SOHLH2: variants seen among roughly 807,000 people sequenced by gnomAD.
The protein encoded by SOHLH2 is spermatogenesis- and oogenesis-specific basic helix-loop-helix-containing protein 2.
SOHLH2 carries 22 observed loss-of-function variants against 50.4 expected under a neutral mutation model. The ratio of observed to expected loss-of-function variants is 0.44; its 90% confidence interval spans 0.31 to 0.62. The LOEUF is 0.62. SOHLH2 is among the 20% of genes least tolerant of loss of function. The pLI is 0.08. For missense variants in SOHLH2, 412 were observed against 504.4 expected (o/e 0.82, Z 1.76); for synonymous variants, 185 against 187.3 (o/e 0.99, Z 0.10).
intron 9 of SOHLH2, among the ~76,000 whole-genome samples, chr13:36,171,865 AAAGTT>A (rs1465630724): frequency 6.6e-6 from 1 of 152,236 alleles, no homozygotes; most frequent in African/African-American, 2.4e-5. Flanking sequence ...TGTATGACAC[AAAGTT>A]AAGTAAAAAA....
At chr13:36,192,660 G>A (rs1319622392) in intron 4 of SOHLH2, among the ~76,000 whole-genome samples, 5 of 152,020 alleles carry the variant, frequency 3.3e-5, no homozygotes, top group Non-Finnish European at 2.9e-5. Flanking sequence ...TTGACAATTC[G>A]AAATTGTACA....
At position 36,170,605 on chromosome 13, in the gene SOHLH2, G is replaced by C. The variant is rs1886936566; in HGVS notation, c.1183C>G (p.Pro395Ala). 6.2e-7 allele frequency: 1 copy of C among 1,614,042 alleles called. No individual in the cohort carries two copies. The highest frequency in any genetic ancestry group is 1.7e-5 in the Admixed American group (1 of 60,004). Residue 395 changes from proline (P) to alanine (A), a missense_variant, in exon 10 of 11, where the codon CCG (proline) becomes GCG (alanine). Transcript: ENST00000379881. The stretch of plus-strand genomic sequence containing the variant: ...TGCCGAGGGAGAAGCTTTGAGACCG[G>C]GGGCATGGCTGAAGGTAAATGAATT... ...ISIHLPSAMP[P>A]VSKLLPRHCT... is the part of the protein sequence containing the mutation.
In SOHLH2 at chr13:36,168,774, CCA is replaced by C. The variant is rs1886886467; in HGVS notation, c.*258_*259del. ...GAAAAGAGAGTGTAGGTCACTGAGG[CCA>C]TTTGTTCTTGTAGCTCTCTGGCTGG... is the stretch of plus-strand genomic sequence containing the variant. On this transcript the variant is annotated 3_prime_UTR_variant, in exon 11 of 11. Coordinates refer to ENST00000379881, the MANE Select transcript of SOHLH2 (RefSeq NM_017826.3). 5 of 456,420 alleles carry C rather than the reference CCA, an allele frequency of 1.1e-5. No homozygotes were observed. In the Admixed American group the frequency reaches 1.6e-4, roughly 15 times the overall value. 28.3% of individuals were successfully genotyped at this position (456,420 alleles called of 1,614,324 possible).
intron 2 of SOHLH2, among the ~76,000 whole-genome samples, chr13:36,194,541 T>C (rs990104791): frequency 6.6e-6 from 1 of 152,190 alleles, no homozygotes; most frequent in East Asian, 1.9e-4. Flanking sequence ...CAGATGTGGG[T>C]AACCGCTGAG....
chr13:36,186,016 T>C (rs1286662508), intron 6 of SOHLH2, among the ~76,000 whole-genome samples: 1 of 152,140 alleles, frequency 6.6e-6, no homozygotes, highest in African/African-American at 2.4e-5. Context: ...ATAAAGACAT[T>C]GTAAGAAAAC....
chr13:36,185,538 A>T (rs963751754), intron 6 of SOHLH2, among the ~76,000 whole-genome samples: 1 of 152,134 alleles, frequency 6.6e-6, no homozygotes, highest in African/African-American at 2.4e-5. Flanking sequence ...AATCAATGAA[A>T]TAAAAAAATG....
At chr13:36,213,664 T>C (rs1869254427) in intron 1 of SOHLH2, among the ~76,000 whole-genome samples, 1 of 151,882 alleles carries the variant, frequency 6.6e-6, no homozygotes, top group Admixed American at 6.6e-5. Context: ...GGCTGAAAAA[T>C]AAGGTGCTTT....
At chr13:36,187,802 C>T (rs1887462489) in intron 6 of SOHLH2, among the ~76,000 whole-genome samples, 1 of 152,190 alleles carries the variant, frequency 6.6e-6, no homozygotes, top group South Asian at 2.1e-4. Flanking sequence ...CTCAGGGATG[C>T]TCACTCCATC....
intron 1 of SOHLH2, 53 bp downstream of exon 1, chr13:36,214,426 G>C (rs560734121): frequency 3.8e-6 from 6 of 1,588,282 alleles, no homozygotes; most frequent in African/African-American, 2.7e-5. Context: ...ACCGACCTAG[G>C]GCCCGCCCGC....
intron 1 of SOHLH2, among the ~76,000 whole-genome samples, chr13:36,202,616 G>T (rs569511156): frequency 6.6e-6 from 1 of 152,270 alleles, no homozygotes; most frequent in African/African-American, 2.4e-5. Context: ...AACCAAAAAG[G>T]CCATTTGCAT....
Position 36,173,768 on chromosome 13 carries a change from G to A in SOHLH2, c.924C>T (p.Leu308=), listed in dbSNP as rs1887027331. The change falls in exon 9 of 11, where the codon CTC becomes CTT. Residue 308 remains leucine (L), a synonymous_variant. Transcript: ENST00000379881. Reference sequence around the variant, plus strand: ...TCCAGCACGTATTAGTCAGGAATTGGAGCCCTCTCTCAGGGGAGTAAGTGC... The same window carrying A: ...TCCAGCACGTATTAGTCAGGAATTGAAGCCCTCTCTCAGGGGAGTAAGTGC... ...VMSTYSPERG[L]QFLTNTCWNG... is the part of the protein sequence containing the mutation. The A allele has an allele frequency of 6.2e-7, 1 of 1,613,942 alleles. No individual in the cohort carries two copies. Among genetic ancestry groups the A allele is most frequent in the African/African-American group, 1.3e-5 (1 of 74,922 alleles).
chr13:36,206,699 ATTCT>A (rs1382408665), intron 1 of SOHLH2, among the ~76,000 whole-genome samples: 1 of 151,836 alleles, frequency 6.6e-6, no homozygotes, highest in African/African-American at 2.4e-5. Context: ...AAAATTGTTA[ATTCT>A]TTCTTTGCTT....
At chr13:36,181,336 T>C (rs1169481683) in intron 6 of SOHLH2, among the ~76,000 whole-genome samples, 1 of 152,190 alleles carries the variant, frequency 6.6e-6, no homozygotes, top group African/African-American at 2.4e-5. Context: ...ATAAGTTGGA[T>C]ATAGTTGGAT....
At chr13:36,209,194 A>G (rs905504454) in intron 1 of SOHLH2, among the ~76,000 whole-genome samples, 13 of 152,062 alleles carry the variant, frequency 8.5e-5, no homozygotes, top group African/African-American at 3.1e-4. Context: ...CACTCCTTCT[A>G]AGTATTTTTT....
At chr13:36,186,320 C>T (rs1887416590) in intron 6 of SOHLH2, among the ~76,000 whole-genome samples, 2 of 152,136 alleles carry the variant, frequency 1.3e-5, no homozygotes, top group Non-Finnish European at 2.9e-5. Flanking sequence ...AAGGCCACAG[C>T]TTACATCATA....
intron 1 of SOHLH2, among the ~76,000 whole-genome samples, chr13:36,202,946 G>A (rs116926001): frequency 5.1e-4 from 78 of 152,310 alleles, no homozygotes; most frequent in Non-Finnish European, 8.7e-4. Flanking sequence ...GTGGCCCCGT[G>A]GGGCTTCCTT....
At chr13:36,186,065 T>C (rs545590870) in intron 6 of SOHLH2, among the ~76,000 whole-genome samples, 1 of 152,114 alleles carries the variant, frequency 6.6e-6, no homozygotes, top group Non-Finnish European at 1.5e-5. Flanking sequence ...ATGCAAAAAT[T>C]GTTAACAAAA....
At chr13:36,203,369 C>T (rs1055043043) in intron 1 of SOHLH2, among the ~76,000 whole-genome samples, 5 of 152,128 alleles carry the variant, frequency 3.3e-5, no homozygotes, top group East Asian at 1.9e-4. Flanking sequence ...CATAAAAATA[C>T]GTTTTCTATT....
intron 9 of SOHLH2, among the ~76,000 whole-genome samples, chr13:36,172,211 T>C (rs11618257): frequency 6.6e-6 from 1 of 152,010 alleles, no homozygotes; most frequent in Non-Finnish European, 1.5e-5. Flanking sequence ...GCCACGAAAA[T>C]AATGTTTCAG....
Sources: gnomAD v4.1 joint callset for allele counts (sites outside exome capture counted in the v4.1 genomes callset) on GRCh38, gnomAD v4.1.1 for gene constraint, MANE v1.5 for transcripts, NCBI Gene and HGNC (gene_info 2026-07-23, HGNC 2026-07-21) for gene names.